Variants in AASS observed in about 807,000 individuals in gnomAD.
AASS encodes the protein alpha-aminoadipic semialdehyde synthase, mitochondrial.
A neutral mutation model predicts 105.4 loss-of-function variants in AASS; 86 were observed. That is an observed-to-expected ratio of 0.82 (90% CI 0.69 to 0.98). The LOEUF is 0.98. Ranked by LOEUF, AASS falls within the 50% of genes least tolerant of loss-of-function variation. AASS has a pLI of 0.00. For synonymous variants in AASS, 381 were observed against 394.8 expected (o/e 0.96, Z 0.41); for missense variants, 1,048 against 1,143.2 (o/e 0.92, Z 1.20).
intron 10 of AASS, 105 bp from the exon 11 acceptor site, chr7:122,113,334 T>A: frequency 8.6e-7 from 1 of 1,162,892 alleles, no homozygotes; most frequent in Non-Finnish European, 1.3e-6. Flanking sequence ...TCATTTGTAA[T>A]TTTGTATAAA....
intron 1 of AASS, among the ~76,000 whole-genome samples, chr7:122,141,435 T>G (rs1186455615): frequency 6.6e-6 from 1 of 152,176 alleles, no homozygotes; most frequent in Non-Finnish European, 1.5e-5. Context: ...CTTACTTGTC[T>G]GTCTCTTTGC....
At chr7:122,127,155 G>A (rs1795696847) in intron 3 of AASS, among the ~76,000 whole-genome samples, 1 of 151,986 alleles carries the variant, frequency 6.6e-6, no homozygotes, top group Non-Finnish European at 1.5e-5. Context: ...GATAAAACCT[G>A]GAGTGATTCC....
At chr7:122,078,821 A>C (rs768065768) in intron 22 of AASS, 41 bp downstream of exon 22, 1 of 1,562,402 alleles carries the variant, frequency 6.4e-7, no homozygotes, top group East Asian at 2.2e-5. Flanking sequence ...CTATCTTATG[A>C]TTCTTCTTTA....
chr7:122,135,792 A>C (rs1007363019), intron 1 of AASS, among the ~76,000 whole-genome samples: 3 of 152,222 alleles, frequency 2.0e-5, no homozygotes, highest in Non-Finnish European at 4.4e-5. Context: ...TGGAAATAAT[A>C]CTTTAAACCA....
At chr7:122,117,089 A>T (rs1795218614) in intron 6 of AASS, 132 bp from the exon 7 acceptor site, 5 of 780,086 alleles carry the variant, frequency 6.4e-6, no homozygotes, top group Non-Finnish European at 1.1e-5. Flanking sequence ...GGACTGCAAC[A>T]CAGAAATACA....
intron 19 of AASS, 92 bp downstream of exon 19, chr7:122,085,920 T>A: frequency 7.0e-7 from 1 of 1,436,952 alleles, no homozygotes; most frequent in Non-Finnish European, 9.8e-7. Flanking sequence ...TGGTTTATCA[T>A]CTTAATTATT....
intron 18 of AASS, among the ~76,000 whole-genome samples, chr7:122,086,549 T>A (rs942173473): frequency 6.6e-6 from 1 of 151,106 alleles, no homozygotes; most frequent in African/African-American, 2.4e-5. Context: ...TTTAAAAAAT[T>A]TATTTTCTAA....
At chr7:122,086,669 T>C (rs975068909) in intron 18 of AASS, among the ~76,000 whole-genome samples, 11 of 152,090 alleles carry the variant, frequency 7.2e-5, no homozygotes, top group South Asian at 2.1e-4. Context: ...TTTAAATGGC[T>C]TCTATGCTCA....
chr7:122,135,585 G>T (rs1010841959), intron 1 of AASS, among the ~76,000 whole-genome samples: 1 of 152,068 alleles, frequency 6.6e-6, no homozygotes, highest in Admixed American at 6.5e-5. Flanking sequence ...TGAATGTAAC[G>T]GGCTTCTCTC....
chr7:122,132,362 G>A (rs990551956), intron 2 of AASS, among the ~76,000 whole-genome samples: 1 of 152,134 alleles, frequency 6.6e-6, no homozygotes, highest in Non-Finnish European at 1.5e-5. Flanking sequence ...TTAGGGGAGT[G>A]ATAAAATTAG....
rs1792981750 is a variant in AASS at position 122,075,957 on chromosome 7, T to C, written c.*532A>G. On this transcript the variant is annotated 3_prime_UTR_variant, in exon 24 of 24. Transcript: ENST00000417368. ...TGCTGGTTATAAGACAATATGTTCA[T>C]TTAAGAAAAAAGTGGACATCCTGGC... The C allele has an allele frequency of 6.5e-6, 1 of 152,868 alleles. No individual in the cohort carries two copies. The highest frequency in any genetic ancestry group is 1.9e-4 in the East Asian group (1 of 5,206). The allele number at this position is 152,868 out of a possible 1,614,324, so 9.5% of individuals were successfully genotyped here.
At chr7:122,135,086 G>A (rs974127728) in intron 1 of AASS, among the ~76,000 whole-genome samples, 1 of 151,990 alleles carries the variant, frequency 6.6e-6, no homozygotes, top group Non-Finnish European at 1.5e-5. Flanking sequence ...GGAACACTTG[G>A]ACACAGGGTG....
chr7:122,112,001 T>C lies in AASS; in HGVS notation c.1278+1117A>G, dbSNP rs148902473. On this transcript the variant is annotated intron_variant, in intron 11 of 23. Transcript: ENST00000417368. Reference sequence around the variant, plus strand: ...AGGCTCAGAAAGGAAGTGAGTGCCCTGCTCAAGGTTATAAAGCAAGTTGAT... The same window carrying C: ...AGGCTCAGAAAGGAAGTGAGTGCCCCGCTCAAGGTTATAAAGCAAGTTGAT... 6.9e-3 allele frequency among the ~76,000 whole-genome samples: 1,056 copies of C among 152,334 alleles called. 11 individuals carry two copies. The highest frequency in any genetic ancestry group is 0.024 in the African/African-American group (1,016 of 41,578).
At position 122,076,476 on chromosome 7, in the gene AASS, A is replaced by C. The variant is rs1372051496; in HGVS notation, c.*13T>G. ...TATTGCCTGGGAAGAAAAAAACAAA[A>C]TATAATTCCCAATTATGGTTTAATT... On this transcript the variant is annotated 3_prime_UTR_variant, in exon 24 of 24. Transcript: ENST00000417368. The C allele has an allele frequency of 6.3e-7, 1 of 1,588,754 alleles. No homozygotes were observed. The highest frequency in any genetic ancestry group is 1.7e-5 in the Admixed American group (1 of 59,994).
chr7:122,107,698 T>A (rs758155640), intron 11 of AASS, among the ~76,000 whole-genome samples: 63 of 152,028 alleles, frequency 4.1e-4, no homozygotes, highest in Admixed American at 8.5e-4. Flanking sequence ...AGCTAAATGA[T>A]GAGGACACAT....
intron 8 of AASS, among the ~76,000 whole-genome samples, chr7:122,116,245 G>C (rs1795164765): frequency 6.6e-6 from 1 of 152,146 alleles, no homozygotes; most frequent in East Asian, 1.9e-4. Flanking sequence ...CAAGATTGCT[G>C]GCTGAGATTA....
chr7:122,093,007 C>A (rs773492457), intron 16 of AASS, 41 bp downstream of exon 16: 1 of 1,609,708 alleles, frequency 6.2e-7, no homozygotes, highest in East Asian at 2.2e-5. Context: ...AAAAACAATG[C>A]CATGGATCCA....
At position 122,115,216 on chromosome 7, in the gene AASS, G is replaced by T. The variant is rs1305997996; in HGVS notation, c.901C>A (p.Pro301Thr). 6.2e-7 allele frequency: 1 copy of T among 1,613,920 alleles called. No individual in the cohort carries two copies. The highest frequency in any genetic ancestry group is 8.5e-7 in the Non-Finnish European group (1 of 1,179,998). Residue 301 changes from proline to threonine, a missense_variant, in exon 9 of 24, where the codon CCC becomes ACC. Coordinates refer to ENST00000417368, the MANE Select transcript of AASS (RefSeq NM_005763.4). The part of the protein sequence containing the change: ...YISRFNTDIA[P>T]YTTCLINGIY... ...CCATTAATTAAGCAAGTTGTATAGG[G>T]TGCAATCTGTAATGCAAGTTCCAGG...
At chr7:122,137,577 T>C (rs961257262) in intron 1 of AASS, among the ~76,000 whole-genome samples, 2 of 152,160 alleles carry the variant, frequency 1.3e-5, no homozygotes, top group Middle Eastern at 3.2e-3. Context: ...AAAAATGGTT[T>C]GATTATAGTA....
Sources: gnomAD v4.1 joint callset for allele counts (sites outside exome capture counted in the v4.1 genomes callset) on GRCh38, gnomAD v4.1.1 for gene constraint, MANE v1.5 for transcripts, NCBI Gene and HGNC (gene_info 2026-07-23, HGNC 2026-07-21) for gene names.